KIRREL1: variants seen among roughly 807,000 people sequenced by gnomAD.
The protein encoded by KIRREL1 is kin of IRRE-like protein 1.
KIRREL1 carries 25 observed loss-of-function variants against 83.3 expected under a neutral mutation model. The observed-to-expected ratio is 0.30, with a 90% CI of 0.22 to 0.42. KIRREL1 has a LOEUF of 0.42. Among genes scored for constraint, KIRREL1 ranks in the 10% least tolerant of loss-of-function variants. The pLI is 1.00. For missense variants in KIRREL1, 812 were observed against 1,032.3 expected (o/e 0.79, Z 2.92); for synonymous variants, 388 against 410.4 (o/e 0.95, Z 0.66).
At chr1:158,078,959 C>A (rs569087288) in intron 3 of KIRREL1, among the ~76,000 whole-genome samples, 1 of 152,080 alleles carries the variant, frequency 6.6e-6, no homozygotes, top group South Asian at 2.1e-4. Context: ...CCCTTGCCCC[C>A]CCTCACCCAC....
rs1179034646 is a variant in KIRREL1 at position 158,095,904 on chromosome 1, T to G, written c.*784T>G. 1 of 152,676 alleles carries G rather than the reference T, an allele frequency of 6.5e-6. No homozygotes were observed. Among genetic ancestry groups the G allele is most frequent in the Non-Finnish European group, 1.5e-5 (1 of 68,450 alleles). The allele number at this position is 152,676 out of a possible 1,614,324, so 9.5% of individuals were successfully genotyped here. ...ACCATGTCCTCATTGACCCAGATAC[T>G]GCTGTGTGCTGCACAGCAGTGAACC... On this transcript the variant is annotated 3_prime_UTR_variant, in exon 15 of 15. Transcript: ENST00000359209.
chr1:158,003,091 A>T (rs1157023619), intron 1 of KIRREL1, among the ~76,000 whole-genome samples: 1 of 151,434 alleles, frequency 6.6e-6, no homozygotes, highest in Non-Finnish European at 1.5e-5. Flanking sequence ...TATTATTATT[A>T]TTTTTCCTCC....
chr1:158,020,600 CAAA>C (rs370156588), intron 1 of KIRREL1, among the ~76,000 whole-genome samples: 41 of 83,678 alleles, frequency 4.9e-4, no homozygotes, highest in African/African-American at 1.8e-3. Flanking sequence ...TACAGTAAAT[CAAA>C]AAAAAAAAAA....
intron 1 of KIRREL1, among the ~76,000 whole-genome samples, chr1:158,043,586 C>T (rs758164311): frequency 1.4e-4 from 21 of 152,338 alleles, no homozygotes; most frequent in African/African-American, 1.9e-4. Context: ...CCTAAATAAA[C>T]GCCTTTCCTC....
chr1:158,043,258 C>G (rs17419936), intron 1 of KIRREL1, among the ~76,000 whole-genome samples: 15,162 of 152,118 alleles, frequency 0.1, 963 homozygotes, highest in Middle Eastern at 0.14. Context: ...ATGGAAAGCT[C>G]CTGAAAACTG....
Position 158,095,385 on chromosome 1 carries a change from G to T in KIRREL1, c.*265G>T, listed in dbSNP as rs1407605311. On this transcript the variant is annotated 3_prime_UTR_variant, in exon 15 of 15. Coordinates refer to ENST00000359209, the MANE Select transcript of KIRREL1 (RefSeq NM_018240.7). ...CTGCACTCTTGCCTGACCCTAGAAT[G>T]GGGACAGGGAAAGTGAAGGTTAGGG... 3 of 399,022 alleles carry T rather than the reference G, an allele frequency of 7.5e-6. No individual in the cohort carries two copies. In the East Asian group the frequency reaches 1.2e-4, roughly 16 times the overall value. 24.7% of individuals were successfully genotyped at this position (399,022 alleles called of 1,614,324 possible).
At position 158,097,153 on chromosome 1, in the gene KIRREL1, T is replaced by C. The variant is rs1332551731; in HGVS notation, c.*2033T>C. ...GCTGTATTCCATCCCTGGAAGCTGA[T>C]ACCTTTCTATAGAGTCCTTTTATGA... On this transcript the variant is annotated 3_prime_UTR_variant, in exon 15 of 15. Transcript: ENST00000359209. 1 of 445,214 alleles carries C rather than the reference T, an allele frequency of 2.2e-6. No homozygotes were observed. The highest frequency in any genetic ancestry group is 4.5e-6 in the Non-Finnish European group (1 of 221,880). The allele number at this position is 445,214 out of a possible 1,614,324, so 27.6% of individuals were successfully genotyped here. A position where few individuals can be genotyped will look rare whatever the true frequency, so the allele number is the denominator to read the frequency against.
intron 3 of KIRREL1, among the ~76,000 whole-genome samples, chr1:158,080,815 C>G (rs1421191061): frequency 6.6e-6 from 1 of 152,208 alleles, no homozygotes; most frequent in Non-Finnish European, 1.5e-5. Flanking sequence ...ACCCTGCCAC[C>G]TGCAGCACAC....
chr1:158,059,761 G>C (rs1661161628), intron 1 of KIRREL1, among the ~76,000 whole-genome samples: 1 of 152,082 alleles, frequency 6.6e-6, no homozygotes, highest in Non-Finnish European at 1.5e-5. Flanking sequence ...GGCTTATTAT[G>C]TTCTTATTTA....
At chr1:158,080,474 G>A (rs1661816712) in intron 3 of KIRREL1, among the ~76,000 whole-genome samples, 1 of 152,186 alleles carries the variant, frequency 6.6e-6, no homozygotes, top group African/African-American at 2.4e-5. Context: ...TACATAGCAG[G>A]AGAGCCGACT....
In KIRREL1 at chr1:158,100,171, ATAT is replaced by A. The variant is rs754554133; in HGVS notation, c.*5055_*5057del. On this transcript the variant is annotated 3_prime_UTR_variant, in exon 15 of 15. Transcript: ENST00000359209. ...CTACTTTTTTTTCCTTTTTTTAAAA[ATAT>A]TATGTACTATATTTTTAGTCTCAAA... 7 of 150,360 alleles carry A rather than the reference ATAT, an allele frequency of 4.7e-5. No individual in the cohort carries two copies. Among genetic ancestry groups the A allele is most frequent in the Non-Finnish European group, 8.9e-5 (6 of 67,696 alleles). 9.3% of individuals were successfully genotyped at this position (150,360 alleles called of 1,614,324 possible).
chr1:158,064,438 A>G (rs1271587795), intron 1 of KIRREL1, among the ~76,000 whole-genome samples: 1 of 152,178 alleles, frequency 6.6e-6, no homozygotes, highest in Non-Finnish European at 1.5e-5. Context: ...CAAATTGATT[A>G]TTTGATGGGT....
chr1:158,032,863 C>G (rs1011496812), intron 1 of KIRREL1, among the ~76,000 whole-genome samples: 4 of 152,048 alleles, frequency 2.6e-5, no homozygotes, highest in African/African-American at 9.7e-5. Flanking sequence ...CTCCACTTCC[C>G]GCGTTCAAGC....
chr1:158,074,593 G>A lies in KIRREL1; in HGVS notation c.53-1520G>A, dbSNP rs1026654154. Among the ~76,000 whole-genome samples, 5 of 152,134 alleles carry A rather than the reference G, an allele frequency of 3.3e-5. No homozygotes were observed. The East Asian group carries it at 5.8e-4, about 18-fold the overall frequency. On this transcript the variant is annotated intron_variant, in intron 1 of 14. Coordinates refer to ENST00000359209, the MANE Select transcript of KIRREL1 (RefSeq NM_018240.7). ...CTGATCATTTGAGAGAGGAAACCCCGTACATAGTGATAACAGCAGGGCCGA... is the reference window on the plus strand; with the variant it reads ...CTGATCATTTGAGAGAGGAAACCCCATACATAGTGATAACAGCAGGGCCGA...
In KIRREL1 at chr1:158,093,361, A is replaced by C; in HGVS notation, c.1494A>C (p.Ile498=). ...AAGAGGTGTTACCTGTGGGCATCAT[A>C]GCTGGGGCCACCATCGGCGCGAGCA... The part of the protein sequence containing the change: ...EEREVLPVGI[I]AGATIGASIL... Residue 498 remains isoleucine (I), a synonymous_variant, in exon 12 of 15, where the codon ATA becomes ATC. Coordinates refer to ENST00000359209, the MANE Select transcript of KIRREL1 (RefSeq NM_018240.7). 6.2e-7 allele frequency: 1 copy of C among 1,614,190 alleles called. No individual in the cohort carries two copies. Among genetic ancestry groups the C allele is most frequent in the African/African-American group, 1.3e-5 (1 of 75,070 alleles).
chr1:158,018,066 AAC>A (rs1295359328), intron 1 of KIRREL1, among the ~76,000 whole-genome samples: 1 of 152,150 alleles, frequency 6.6e-6, no homozygotes, highest in Non-Finnish European at 1.5e-5. Flanking sequence ...GGAGATAGTG[AAC>A]ACTCCCATTG....
chr1:158,072,771 A>G (rs377302989), intron 1 of KIRREL1, among the ~76,000 whole-genome samples: 8 of 152,088 alleles, frequency 5.3e-5, no homozygotes, highest in Non-Finnish European at 1.2e-4. Context: ...GGCTCTGGAC[A>G]GTTCTGACAT....
At chr1:158,074,409 G>A (rs1425273379) in intron 1 of KIRREL1, among the ~76,000 whole-genome samples, 3 of 152,224 alleles carry the variant, frequency 2.0e-5, no homozygotes, top group African/African-American at 4.8e-5. Context: ...AACAACCAGT[G>A]GGGATGGATG....
intron 8 of KIRREL1, 148 bp from the exon 9 acceptor site, chr1:158,089,354 C>A: frequency 7.8e-7 from 1 of 1,284,734 alleles, no homozygotes. Flanking sequence ...GAGCATGGAC[C>A]AAAATGGACT....
Sources: gnomAD v4.1 joint callset for allele counts (sites outside exome capture counted in the v4.1 genomes callset) on GRCh38, gnomAD v4.1.1 for gene constraint, MANE v1.5 for transcripts, NCBI Gene and HGNC (gene_info 2026-07-23, HGNC 2026-07-21) for gene names.